The following IL1RAPL1 variants were observed in gnomAD, a reference collection of about 807,000 sequenced individuals.
IL1RAPL1 encodes the protein interleukin-1 receptor accessory protein-like 1.
In IL1RAPL1, 3 loss-of-function variants were observed where a neutral mutation model predicts 48.4. That is an observed-to-expected ratio of 0.06 (90% CI 0.03 to 0.16). The LOEUF is 0.16. Among genes scored for constraint, IL1RAPL1 ranks in the 10% least tolerant of loss-of-function variants. The pLI, the probability that IL1RAPL1 is intolerant of heterozygous loss-of-function variation, is 1.00. For synonymous variants in IL1RAPL1, 185 were observed against 187.7 expected (o/e 0.99, Z 0.12); for missense variants, 349 against 530.6 (o/e 0.66, Z 3.36).
intron 6 of IL1RAPL1, among the ~76,000 whole-genome samples, chrX:29,754,248 T>C (rs925379408): frequency 8.9e-6 from 1 of 111,966 alleles, no homozygotes; most frequent in East Asian, 2.8e-4. Context: ...CCTGGATAAA[T>C]TGATCTCATT....
At chrX:28,889,942 T>G (rs1474659124) in intron 2 of IL1RAPL1, among the ~76,000 whole-genome samples, 1 of 111,646 alleles carries the variant, frequency 9.0e-6, no homozygotes, top group Non-Finnish European at 1.9e-5. Context: ...AGGTATCCAG[T>G]TCCAATGCCA....
At chrX:28,884,340 G>T (rs1054369324) in intron 2 of IL1RAPL1, among the ~76,000 whole-genome samples, 3 of 111,384 alleles carry the variant, frequency 2.7e-5, no homozygotes, top group African/African-American at 9.8e-5. Context: ...AGTTATTTTT[G>T]ATTATCCTAC....
At chrX:29,564,443 G>C (rs1393729472) in intron 5 of IL1RAPL1, among the ~76,000 whole-genome samples, 1 of 113,108 alleles carries the variant, frequency 8.8e-6, no homozygotes, top group African/African-American at 3.2e-5. Context: ...ATCTGACTAA[G>C]GAGTACTAAC....
At chrX:28,918,055 CTGTTGT>C (rs895724652) in intron 2 of IL1RAPL1, among the ~76,000 whole-genome samples, 2 of 112,331 alleles carry the variant, frequency 1.8e-5, no homozygotes, top group South Asian at 7.2e-4. Context: ...TCCTGTTTTG[CTGTTGT>C]TGTTCCTCAT....
intron 2 of IL1RAPL1, among the ~76,000 whole-genome samples, chrX:29,266,134 A>G (rs941579225): frequency 4.8e-4 from 54 of 111,454 alleles, no homozygotes; most frequent in African/African-American, 1.7e-3. Flanking sequence ...CCAAAGGACT[A>G]TAAATCATGC....
chrX:29,368,803 G>T (rs1298157890), intron 3 of IL1RAPL1, among the ~76,000 whole-genome samples: 1 of 109,089 alleles, frequency 9.2e-6, no homozygotes, highest in Non-Finnish European at 1.9e-5. Flanking sequence ...TTTTAGAGTG[G>T]TTGATATGCC....
chrX:29,431,243 C>T (rs1934419380), intron 5 of IL1RAPL1, among the ~76,000 whole-genome samples: 1 of 111,864 alleles, frequency 8.9e-6, no homozygotes, highest in Non-Finnish European at 1.9e-5. Flanking sequence ...ATGTGCTCTA[C>T]CTCAGTAATT....
At position 29,033,899 on chromosome X, in the gene IL1RAPL1, GACACACACAC is replaced by G. The variant is rs372644096; in HGVS notation, c.82+244490_82+244499del. On this transcript the variant is annotated intron_variant, in intron 2 of 10. Transcript: ENST00000378993. ...AAGAAAAGGGAAAAGCAAGAAATGG[GACACACACAC>G]ACACACACACACACAAACATTTGAG... Among the ~76,000 whole-genome samples the G allele has an allele frequency of 1.6e-3, 167 of 103,115 alleles. 4 individuals carry two copies. The East Asian group carries it at 0.04, about 25-fold the overall frequency. 89.5% of individuals were successfully genotyped at this position (103,115 alleles called of 115,157 possible). A position where few individuals can be genotyped will look rare whatever the true frequency, so the allele number is the denominator to read the frequency against.
chrX:29,173,054 G>A (rs1453389884), intron 2 of IL1RAPL1, among the ~76,000 whole-genome samples: 1 of 111,302 alleles, frequency 9.0e-6, no homozygotes, highest in Non-Finnish European at 1.9e-5. Flanking sequence ...TTCCAGTAAA[G>A]TGGTGGTTCT....
intron 3 of IL1RAPL1, among the ~76,000 whole-genome samples, chrX:29,343,663 G>A (rs1042120647): frequency 2.7e-5 from 3 of 111,799 alleles, no homozygotes; most frequent in African/African-American, 9.8e-5. Flanking sequence ...ATCAATTTCA[G>A]GAGAAGGAAA....
chrX:29,806,920 C>T (rs1930268983), intron 6 of IL1RAPL1, among the ~76,000 whole-genome samples: 1 of 110,084 alleles, frequency 9.1e-6, no homozygotes, highest in Non-Finnish European at 1.9e-5. Context: ...CCTGCACTTA[C>T]TCTTCCTCCT....
chrX:29,596,498 A>G (rs1923555660), intron 5 of IL1RAPL1, among the ~76,000 whole-genome samples: 2 of 111,651 alleles, frequency 1.8e-5, no homozygotes, highest in African/African-American at 6.5e-5. Context: ...AGCTTTTGTG[A>G]AAGTGGTTGG....
rs371948259 is a variant in IL1RAPL1, at chrX:29,138,845, A to G, written c.83-144093A>G. On this transcript the variant is annotated intron_variant, in intron 2 of 10. Transcript: ENST00000378993. Reference sequence around the variant, plus strand: ...TAACAGGAGTATGGCAGAATAAAGAAATGTCAAAATATCATCCTTTAATCT... The same window carrying G: ...TAACAGGAGTATGGCAGAATAAAGAGATGTCAAAATATCATCCTTTAATCT... 2.7e-5 allele frequency among the ~76,000 whole-genome samples: 3 copies of G among 110,654 alleles called. No homozygotes were observed. The East Asian group carries it at 8.4e-4, about 31-fold the overall frequency.
At chrX:28,906,253 G>T (rs1046503872) in intron 2 of IL1RAPL1, among the ~76,000 whole-genome samples, 1 of 112,863 alleles carries the variant, frequency 8.9e-6, no homozygotes, top group Non-Finnish European at 1.9e-5. Flanking sequence ...GGATTATGGG[G>T]AGTACAGTTC....
chrX:28,831,174 T>G (rs1360704823), intron 2 of IL1RAPL1, among the ~76,000 whole-genome samples: 1 of 96,044 alleles, frequency 1.0e-5, no homozygotes, highest in Non-Finnish European at 2.1e-5. Context: ...TAAGGTGATC[T>G]CACGTCTTTT....
chrX:29,444,621 C>T (rs967014056), intron 5 of IL1RAPL1, among the ~76,000 whole-genome samples: 12 of 111,465 alleles, frequency 1.1e-4, no homozygotes, highest in African/African-American at 3.6e-4. Flanking sequence ...ACAAGCATTT[C>T]CCCAGCCAGA....
intron 2 of IL1RAPL1, among the ~76,000 whole-genome samples, chrX:28,895,074 G>A (rs748857334): frequency 9.0e-6 from 1 of 110,701 alleles, no homozygotes; most frequent in South Asian, 3.9e-4. Flanking sequence ...GATGAAGGGT[G>A]CAAAGGAATA....
At chrX:29,864,976 T>C (rs1338175836) in intron 6 of IL1RAPL1, among the ~76,000 whole-genome samples, 1 of 111,931 alleles carries the variant, frequency 8.9e-6, no homozygotes, top group African/African-American at 3.2e-5. Context: ...TTGTGCAAGA[T>C]GAGATTGCCT....
chrX:28,604,572 CA>C (rs1211674030), intron 1 of IL1RAPL1, among the ~76,000 whole-genome samples: 1 of 108,817 alleles, frequency 9.2e-6, no homozygotes, highest in African/African-American at 3.4e-5. Flanking sequence ...GCTAAAAATA[CA>C]AAAATGTGCT....
Sources: gnomAD v4.1 joint callset for allele counts (sites outside exome capture counted in the v4.1 genomes callset) on GRCh38, gnomAD v4.1.1 for gene constraint, MANE v1.5 for transcripts, NCBI Gene and HGNC (gene_info 2026-07-23, HGNC 2026-07-21) for gene names.